The following NDST3 variants were observed in gnomAD, a reference collection of about 807,000 sequenced individuals.
NDST3 encodes bifunctional heparan sulfate N-deacetylase/N-sulfotransferase 3.
NDST3 carries 58 observed loss-of-function variants against 96.1 expected under a neutral mutation model. The observed-to-expected ratio is 0.60, with a 90% CI of 0.49 to 0.75. The LOEUF is 0.75. Ranked by LOEUF, NDST3 falls within the 30% of genes least tolerant of loss-of-function variation. NDST3 has a pLI of 0.00. For missense variants in NDST3, 788 were observed against 1,034.2 expected, an observed-to-expected ratio of 0.76 and a Z score of 3.27; for synonymous variants, 333 against 359.7, an observed-to-expected ratio of 0.93 and a Z score of 0.84.
intron 2 of NDST3, among the ~76,000 whole-genome samples, chr4:118,086,912 A>G (rs1429624084): frequency 6.6e-6 from 1 of 152,186 alleles, no homozygotes; most frequent in Non-Finnish European, 1.5e-5. Context: ...GCTAATACAA[A>G]AATATTCATG....
intron 9 of NDST3, 42 bp downstream of exon 9, chr4:118,233,177 G>A: frequency 6.5e-7 from 1 of 1,530,330 alleles, no homozygotes; most frequent in Non-Finnish European, 8.9e-7. Flanking sequence ...TATATGTACT[G>A]TGCACAGTAT....
intron 6 of NDST3, among the ~76,000 whole-genome samples, chr4:118,223,259 G>A (rs941082645): frequency 1.3e-5 from 2 of 151,828 alleles, no homozygotes; most frequent in Non-Finnish European, 2.9e-5. Flanking sequence ...AATTTTACAG[G>A]AGAAAAAGAG....
At chr4:118,073,736 A>G (rs1727272183) in intron 2 of NDST3, among the ~76,000 whole-genome samples, 1 of 142,862 alleles carries the variant, frequency 7.0e-6, no homozygotes, top group Admixed American at 7.1e-5. Flanking sequence ...ATTTTTTCAC[A>G]TCTCAGTTTC....
At chr4:118,055,054 T>C (rs1220141477) in intron 2 of NDST3, 163 bp downstream of exon 2, 1 of 822,738 alleles carries the variant, frequency 1.2e-6, no homozygotes, top group Non-Finnish European at 2.0e-6. Flanking sequence ...AAGAAGATTA[T>C]GTATTTCTAT....
intron 2 of NDST3, among the ~76,000 whole-genome samples, chr4:118,070,270 G>T (rs1302787333): frequency 1.3e-5 from 2 of 152,112 alleles, no homozygotes; most frequent in African/African-American, 4.8e-5. Flanking sequence ...CAATTGACTT[G>T]AGCAGAGTAA....
intron 2 of NDST3, among the ~76,000 whole-genome samples, chr4:118,071,393 T>C (rs1241067738): frequency 6.6e-6 from 1 of 152,104 alleles, no homozygotes; most frequent in East Asian, 1.9e-4. Context: ...AGTTAGTTTT[T>C]TGATCCTCAC....
At chr4:118,231,964 A>G (rs1740326465) in intron 8 of NDST3, among the ~76,000 whole-genome samples, 1 of 152,158 alleles carries the variant, frequency 6.6e-6, no homozygotes, top group East Asian at 1.9e-4. Flanking sequence ...AGTCACAAAT[A>G]TATATACGTA....
At chr4:118,055,003 A>C (rs1170771603) in intron 2 of NDST3, 112 bp downstream of exon 2, 1 of 1,350,184 alleles carries the variant, frequency 7.4e-7, no homozygotes. Flanking sequence ...TTACTGGGAA[A>C]GTCTGGGCAA....
intron 6 of NDST3, among the ~76,000 whole-genome samples, chr4:118,162,607 G>T (rs1206999402): frequency 6.6e-6 from 1 of 150,642 alleles, no homozygotes; most frequent in African/African-American, 2.4e-5. Flanking sequence ...ATTCAAGATG[G>T]ATTAAAGACT....
At chr4:118,084,259 T>C (rs193051720) in intron 2 of NDST3, among the ~76,000 whole-genome samples, 1 of 152,182 alleles carries the variant, frequency 6.6e-6, no homozygotes, top group Admixed American at 6.5e-5. Flanking sequence ...TGTGAGATGA[T>C]GGATATGTTA....
At chr4:118,248,810 G>A (rs917898481) in intron 12 of NDST3, among the ~76,000 whole-genome samples, 1 of 152,136 alleles carries the variant, frequency 6.6e-6, no homozygotes, top group African/African-American at 2.4e-5. Context: ...TTCTTCATTT[G>A]GGCTCTGAAA....
At chr4:118,071,796 T>C (rs2125802383) in intron 2 of NDST3, among the ~76,000 whole-genome samples, 1 of 152,186 alleles carries the variant, frequency 6.6e-6, no homozygotes, top group Middle Eastern at 3.4e-3. Flanking sequence ...ACGGTTGCAA[T>C]GGTAGTTCTA....
At chr4:118,047,896 T>G in intron 1 of NDST3, among the ~76,000 whole-genome samples, 1 of 152,074 alleles carries the variant, frequency 6.6e-6, no homozygotes, top group East Asian at 1.9e-4. Context: ...GCATACTATA[T>G]GAGATAACCA....
At chr4:118,125,848 A>C (rs1732009248) in intron 4 of NDST3, among the ~76,000 whole-genome samples, 1 of 152,082 alleles carries the variant, frequency 6.6e-6, no homozygotes, top group Admixed American at 6.6e-5. Flanking sequence ...TCTAACATTT[A>C]ATAATCTTTG....
chr4:118,159,648 T>C (rs1422078936), intron 6 of NDST3, among the ~76,000 whole-genome samples: 1 of 152,112 alleles, frequency 6.6e-6, no homozygotes, highest in Non-Finnish European at 1.5e-5. Context: ...ATAATCATCA[T>C]AAAGATGTTC....
intron 10 of NDST3, among the ~76,000 whole-genome samples, chr4:118,239,124 A>G (rs757669758): frequency 5.3e-5 from 8 of 152,252 alleles, no homozygotes; most frequent in African/African-American, 1.2e-4. Context: ...AGTGACCCAC[A>G]TAGCTTAGAT....
intron 2 of NDST3, among the ~76,000 whole-genome samples, chr4:118,090,025 GC>G (rs1728738222): frequency 6.6e-6 from 1 of 151,850 alleles, no homozygotes; most frequent in Non-Finnish European, 1.5e-5. Context: ...AAGACCACCT[GC>G]CACTTACCAC....
intron 2 of NDST3, among the ~76,000 whole-genome samples, chr4:118,095,692 T>A (rs1729244817): frequency 6.6e-6 from 1 of 151,798 alleles, no homozygotes; most frequent in African/African-American, 2.4e-5. Flanking sequence ...AACATTTTCA[T>A]CACCCCAAAA....
intron 6 of NDST3, among the ~76,000 whole-genome samples, chr4:118,197,997 A>G (rs1737812603): frequency 6.6e-6 from 1 of 151,750 alleles, no homozygotes; most frequent in African/African-American, 2.4e-5. Flanking sequence ...ACAGGGTTTC[A>G]CCATGTTGGC....
Sources: gnomAD v4.1 joint callset for allele counts (sites outside exome capture counted in the v4.1 genomes callset) on GRCh38, gnomAD v4.1.1 for gene constraint, MANE v1.5 for transcripts, NCBI Gene and HGNC (gene_info 2026-07-23, HGNC 2026-07-21) for gene names.